CLHC1: variants seen among roughly 807,000 people sequenced by gnomAD.
CLHC1 encodes the protein clathrin heavy chain linker domain-containing protein 1.
CLHC1 carries 72 observed loss-of-function variants against 69.5 expected under a neutral mutation model. That is an observed-to-expected ratio of 1.04 (90% confidence interval 0.86 to 1.26). The LOEUF (loss-of-function observed/expected upper bound fraction) is 1.26. Among genes scored for constraint, CLHC1 ranks in the 50% most tolerant of loss-of-function variants. The probability of loss-of-function intolerance (pLI) is 0.00; values close to 1 mark genes in which losing one functional copy is unlikely to be tolerated. For synonymous variants in CLHC1, 223 were observed against 224.3 expected (o/e 0.99, Z 0.05); for missense variants, 790 against 679.3 (o/e 1.16, Z -1.81).
intron 2 of CLHC1, chr2:55,224,814 GC>G: frequency 3.0e-5 from 9 of 301,990 alleles, no homozygotes; most frequent in Non-Finnish European, 4.1e-5. Flanking sequence ...CGTCAAAGAG[GC>G]CCCCCAGCCA....
At chr2:55,195,195 C>A (rs758925225) in intron 9 of CLHC1, among the ~76,000 whole-genome samples, 1 of 152,320 alleles carries the variant, frequency 6.6e-6, no homozygotes. Context: ...ATTTCCCCCA[C>A]CTACCCTGTC....
chr2:55,212,764 T>A lies in CLHC1; in HGVS notation c.408A>T (p.Gln136His), dbSNP rs774796312. The change falls in exon 5 of 13, where the codon CAA becomes CAT. Residue 136 changes from glutamine (Q) to histidine (H), a missense_variant. Transcript: ENST00000401408. The stretch of plus-strand genomic sequence containing the variant: ...CCCTACACTGCTTGATGTGATCTAT[T>A]TGAGATTGAATCTTCGAGGAATTAC... ...IESNSSKIQS[Q>H]IDHIKQCRAE... is the part of the protein sequence containing the mutation. 5 of 1,601,378 alleles carry A rather than the reference T, an allele frequency of 3.1e-6. No individual in the cohort carries two copies. The Admixed American group carries it at 5.0e-5, about 16-fold the overall frequency.
chr2:55,177,528 T>G (rs1359989628), intron 12 of CLHC1, 74 bp downstream of exon 12: 1 of 1,045,248 alleles, frequency 9.6e-7, no homozygotes, highest in Non-Finnish European at 1.3e-6. Context: ...TTGAGTTAAC[T>G]CATGCATAAC....
intron 1 of CLHC1, among the ~76,000 whole-genome samples, chr2:55,231,581 A>C (rs1377924084): frequency 1.3e-5 from 2 of 152,192 alleles, no homozygotes; most frequent in African/African-American, 4.8e-5. Flanking sequence ...AGAGAAAATT[A>C]AGGTCTGAAT....
intron 9 of CLHC1, among the ~76,000 whole-genome samples, chr2:55,199,063 G>A (rs924795772): frequency 4.6e-5 from 7 of 151,944 alleles, no homozygotes; most frequent in African/African-American, 1.2e-4. Flanking sequence ...TTGGGAGACC[G>A]AGGTGGGAGG....
intron 9 of CLHC1, among the ~76,000 whole-genome samples, chr2:55,200,891 A>G (rs1671885029): frequency 6.6e-6 from 1 of 152,236 alleles, no homozygotes; most frequent in Non-Finnish European, 1.5e-5. Context: ...TGGAAACCAT[A>G]CAAATATGGA....
At chr2:55,223,583 C>T (rs906220962) in intron 2 of CLHC1, among the ~76,000 whole-genome samples, 2 of 151,454 alleles carry the variant, frequency 1.3e-5, no homozygotes, top group African/African-American at 4.9e-5. Context: ...GGAGGAGCGG[C>T]GTGTCGGCCT....
chr2:55,216,112 TA>T (rs34510146), intron 4 of CLHC1: 37,483 of 104,886 alleles, frequency 0.36, 7,309 homozygotes, highest in East Asian at 0.49. Flanking sequence ...CCATCTCTAC[TA>T]AAAAAAAAAA....
chr2:55,175,642 C>A lies in CLHC1; in HGVS notation c.*148G>T. 3.4e-6 allele frequency: 2 copies of A among 582,086 alleles called. No homozygotes were observed. The highest frequency in any genetic ancestry group is 3.0e-6 in the Non-Finnish European group (1 of 330,640). 36.1% of individuals were successfully genotyped at this position (582,086 alleles called of 1,614,324 possible). On this transcript the variant is annotated 3_prime_UTR_variant, in exon 13 of 13. Transcript: ENST00000401408. The stretch of plus-strand genomic sequence containing the variant: ...TAGTATAAATATTTCAAAGACAAAT[C>A]TAAATGTCATCATAACAAAAGTGTG...
intron 4 of CLHC1, among the ~76,000 whole-genome samples, chr2:55,215,715 T>C (rs1021377821): frequency 2.6e-5 from 4 of 152,182 alleles, no homozygotes; most frequent in Non-Finnish European, 5.9e-5. Context: ...CTTTTTATTC[T>C]GCATGCCGTA....
chr2:55,222,100 G>T, intron 3 of CLHC1, 135 bp downstream of exon 3: 2 of 638,904 alleles, frequency 3.1e-6, no homozygotes, highest in South Asian at 2.0e-5. Context: ...CTGAGAAATT[G>T]GATGAACTTC....
In CLHC1 at chr2:55,209,690, A is replaced by G; in HGVS notation, c.641T>C (p.Met214Thr). 6.2e-7 allele frequency: 1 copy of G among 1,614,080 alleles called. No individual in the cohort carries two copies. The highest frequency in any genetic ancestry group is 8.5e-7 in the Non-Finnish European group (1 of 1,180,012). The change falls in exon 6 of 13, where the codon ATG (methionine) becomes ACG (threonine). Residue 214 changes from methionine to threonine, a missense_variant. Coordinates refer to ENST00000401408, the MANE Select transcript of CLHC1 (RefSeq NM_152385.4). Reference sequence around the variant, plus strand: ...ATCTCGCCGTTTTAATAACACAATCATTTCTTCATCTAAATCAGCCTTCCT... The same window carrying G: ...ATCTCGCCGTTTTAATAACACAATCGTTTCTTCATCTAAATCAGCCTTCCT... ...AQRKADLDEE[M>T]IVLLKRRDVA...
At chr2:55,222,067 G>C (rs1480161449) in intron 3 of CLHC1, among the ~76,000 whole-genome samples, 168 bp downstream of exon 3, 3 of 152,160 alleles carry the variant, frequency 2.0e-5, no homozygotes, top group Non-Finnish European at 4.4e-5. Flanking sequence ...ATCCAGAATT[G>C]CATTTTTCCC....
intron 9 of CLHC1, among the ~76,000 whole-genome samples, chr2:55,184,393 C>A (rs1324020737): frequency 6.6e-6 from 1 of 152,094 alleles, no homozygotes; most frequent in Admixed American, 6.5e-5. Flanking sequence ...GCATGAGCCA[C>A]CACACCTGGC....
At chr2:55,177,150 G>A (rs1399337707) in intron 12 of CLHC1, among the ~76,000 whole-genome samples, 1 of 152,166 alleles carries the variant, frequency 6.6e-6, no homozygotes, top group Non-Finnish European at 1.5e-5. Context: ...TGGGATTACA[G>A]GGGTGAGCCA....
rs1412025496 is a variant in CLHC1, at chr2:55,174,912, C to A, written c.*878G>T. The A allele has an allele frequency of 6.6e-6, 1 of 152,112 alleles. No individual in the cohort carries two copies. The highest frequency in any genetic ancestry group is 1.5e-5 in the Non-Finnish European group (1 of 68,038). 9.4% of individuals were successfully genotyped at this position (152,112 alleles called of 1,614,324 possible). ...ACAGACATGAGCTACCTTGCCCAGC[C>A]AGCAGCTCATTTTAACCATGTTCCA... On this transcript the variant is annotated 3_prime_UTR_variant, in exon 13 of 13. Transcript: ENST00000401408.
In CLHC1 at chr2:55,175,968, A is replaced by T. The variant is rs1035037427; in HGVS notation, c.1583T>A (p.Met528Lys). The T allele has an allele frequency of 1.2e-6, 2 of 1,613,766 alleles. No homozygotes were observed. The highest frequency in any genetic ancestry group is 1.1e-5 in the South Asian group (1 of 91,070). ...KGGIDAVESL[M>K]INDSFCSIEK... ...TATGGAGCAAAAGGAATCATTTATC[A>T]TAAGACTTTCTACTGCATCTGTGGG... The change falls in exon 13 of 13, where the codon ATG becomes AAG. Residue 528 changes from methionine (M) to lysine (K), a missense_variant. Met to Lys is a moderately conservative substitution (Grantham distance 95). Transcript: ENST00000401408.
intron 9 of CLHC1, among the ~76,000 whole-genome samples, chr2:55,184,819 C>T (rs1024750522): frequency 6.6e-6 from 1 of 151,570 alleles, no homozygotes; most frequent in African/African-American, 2.4e-5. Flanking sequence ...GCAGGAGAAT[C>T]GCTTGAACCC....
chr2:55,180,838 A>G, intron 10 of CLHC1, 126 bp from the exon 11 acceptor site: 1 of 656,272 alleles, frequency 1.5e-6, no homozygotes, highest in East Asian at 2.7e-5. Context: ...CCAAGTTACA[A>G]TTTAATAGGC....
Sources: allele counts gnomAD v4.1 joint callset (sites outside exome capture counted in the v4.1 genomes callset), GRCh38; gene constraint gnomAD v4.1.1; transcripts MANE v1.5; gene names NCBI Gene and HGNC (gene_info 2026-07-23, HGNC 2026-07-21).